The following NKAIN1 variants were observed in gnomAD, a reference collection of about 807,000 sequenced individuals.
The protein encoded by NKAIN1 is sodium/potassium-transporting ATPase subunit beta-1-interacting protein 1.
In NKAIN1, 13 loss-of-function variants were observed where a neutral mutation model predicts 31.6. That is an observed-to-expected ratio of 0.41 (90% CI 0.27 to 0.65). NKAIN1 has a LOEUF of 0.65. NKAIN1 is among the 30% of genes least tolerant of loss of function. NKAIN1 has a pLI of 0.30. For synonymous variants in NKAIN1, 104 were observed against 109.0 expected, an observed-to-expected ratio of 0.95 and a Z score of 0.28; for missense variants, 193 against 262.2, an observed-to-expected ratio of 0.74 and a Z score of 1.82.
chr1:31,181,817 C>G (rs773061565), intron 6 of NKAIN1, 43 bp downstream of exon 6: 10 of 1,577,594 alleles, frequency 6.3e-6, no homozygotes, highest in South Asian at 4.6e-5. Context: ...TTCGCAACCC[C>G]GACGCCCAGG....
At chr1:31,184,937 T>C (rs540117277) in intron 3 of NKAIN1, among the ~76,000 whole-genome samples, 100 of 152,314 alleles carry the variant, frequency 6.6e-4, no homozygotes, top group African/African-American at 2.3e-3. Context: ...CTACCTCTAT[T>C]AGCGGGGCCT....
chr1:31,199,937 A>G (rs1645364009), intron 1 of NKAIN1, among the ~76,000 whole-genome samples: 1 of 152,108 alleles, frequency 6.6e-6, no homozygotes, highest in South Asian at 2.1e-4. Flanking sequence ...CTTCTCTGCC[A>G]GGTTCCCCTC....
rs1269020548 is a variant in NKAIN1 at position 31,181,194 on chromosome 1, C to G, written c.*509G>C. 6.4e-6 allele frequency: 1 copy of G among 156,302 alleles called. No individual in the cohort carries two copies. The highest frequency in any genetic ancestry group is 1.4e-5 in the Non-Finnish European group (1 of 71,044). The allele number at this position is 156,302 out of a possible 1,614,324, so 9.7% of individuals were successfully genotyped here. A position where few individuals can be genotyped will look rare whatever the true frequency, so the allele number is the denominator to read the frequency against. ...TACTTGAGGTGCGGAAACCGAGGCT[C>G]AGAGAGGGCAAGGGCTTTGCTAGAC... is the stretch of plus-strand genomic sequence containing the variant. On this transcript the variant is annotated 3_prime_UTR_variant, in exon 7 of 7. Transcript: ENST00000373736.
chr1:31,215,401 T>C lies in NKAIN1; in HGVS notation c.54+24093A>G, dbSNP rs138046790. 4.7e-4 allele frequency among the ~76,000 whole-genome samples: 71 copies of C among 152,280 alleles called. 3 individuals carry two copies. In the East Asian group the frequency reaches 0.014, roughly 29 times the overall value. The stretch of plus-strand genomic sequence containing the variant: ...GAGAATCACAGCAGGCACCAACATC[T>C]GGACAGCGCTTCACCACTCAGATTG... On this transcript the variant is annotated intron_variant, in intron 1 of 6. Coordinates refer to ENST00000373736, the MANE Select transcript of NKAIN1 (RefSeq NM_024522.3).
rs543872462 is a variant in NKAIN1 at position 31,231,807 on chromosome 1, A to G, written c.54+7687T>C. Among the ~76,000 whole-genome samples the G allele has an allele frequency of 1.4e-3, 214 of 152,200 alleles. 1 individual carries two copies. Among genetic ancestry groups the G allele is most frequent in the East Asian group, 2.7e-3 (14 of 5,164 alleles). On this transcript the variant is annotated intron_variant, in intron 1 of 6. Transcript: ENST00000373736. ...GGCCTCCCAAAGTGCCGGGATTACA[A>G]GCGTGAGCCACTGCACCTGGCGAGT...
At chr1:31,209,307 G>A (rs1444187926) in intron 1 of NKAIN1, among the ~76,000 whole-genome samples, 4 of 151,984 alleles carry the variant, frequency 2.6e-5, no homozygotes, top group Non-Finnish European at 4.4e-5. Flanking sequence ...CCCGGGAGAC[G>A]GAGGTTGCAG....
chr1:31,224,183 C>T (rs923450644), intron 1 of NKAIN1, among the ~76,000 whole-genome samples: 8 of 152,306 alleles, frequency 5.3e-5, no homozygotes, highest in African/African-American at 1.9e-4. Flanking sequence ...CCCCCATGCC[C>T]CAGCAGCCCC....
intron 1 of NKAIN1, among the ~76,000 whole-genome samples, chr1:31,219,984 C>T (rs1645549432): frequency 6.6e-6 from 1 of 150,802 alleles, no homozygotes; most frequent in Non-Finnish European, 1.5e-5. Flanking sequence ...TGCTGCTAAA[C>T]CTGCTTCAGA....
intron 1 of NKAIN1, among the ~76,000 whole-genome samples, chr1:31,206,559 C>T (rs942026656): frequency 1.3e-5 from 2 of 152,086 alleles, no homozygotes; most frequent in African/African-American, 4.8e-5. Flanking sequence ...TCTCAGCCTC[C>T]TGAGGAGCTA....
In NKAIN1 at chr1:31,218,068, CT is replaced by C. The variant is rs1553163597; in HGVS notation, c.54+21425del. ...TCTTTCTTTCTTTCTTTCTTTCTTT[CT>C]TTTTTTTTTTTGAGATGGAGTCTCG... On this transcript the variant is annotated intron_variant, in intron 1 of 6. Transcript: ENST00000373736. Among the ~76,000 whole-genome samples, 21 of 132,962 alleles carry C rather than the reference CT, an allele frequency of 1.6e-4. 1 individual carries two copies. Among genetic ancestry groups the C allele is most frequent in the Non-Finnish European group, 1.8e-4 (11 of 62,502 alleles). 87.2% of individuals were successfully genotyped at this position (132,962 alleles called of 152,430 possible). A position where few individuals can be genotyped will look rare whatever the true frequency, so the allele number is the denominator to read the frequency against.
At chr1:31,186,321 C>A (rs1378506317) in intron 2 of NKAIN1, among the ~76,000 whole-genome samples, 1 of 148,816 alleles carries the variant, frequency 6.7e-6, no homozygotes, top group African/African-American at 2.5e-5. Flanking sequence ...GAGATCATGC[C>A]ACTGGACTCC....
rs1443776888 is a variant in NKAIN1, at chr1:31,188,140, C to A, written c.102G>T (p.Trp34Cys). 20 of 1,551,734 alleles carry A rather than the reference C, an allele frequency of 1.3e-5. 1 individual carries two copies. The highest frequency in any genetic ancestry group is 1.6e-5 in the Non-Finnish European group (18 of 1,147,082). Reference sequence around the variant, plus strand: ...GCAGGAAGTTGGCTAGGATGGGAGCCCACTGGTAGCCCAGGAAGTCAAAGA... The same window carrying A: ...GCAGGAAGTTGGCTAGGATGGGAGCACACTGGTAGCCCAGGAAGTCAAAGA... ...RQIFDFLGYQ[W>C]APILANFLHI... The change falls in exon 2 of 7, where the codon TGG (tryptophan) becomes TGT (cysteine). Residue 34 changes from tryptophan to cysteine, a missense_variant. Physicochemically the swap from Trp to Cys is radical, Grantham distance 215. Transcript: ENST00000373736.
At chr1:31,204,007 G>C (rs2148356586) in intron 1 of NKAIN1, among the ~76,000 whole-genome samples, 1 of 152,292 alleles carries the variant, frequency 6.6e-6, no homozygotes, top group Non-Finnish European at 1.5e-5. Flanking sequence ...ATGACCAACT[G>C]TCCCAGTGTG....
At chr1:31,204,577 G>A (rs1022973804) in intron 1 of NKAIN1, among the ~76,000 whole-genome samples, 6 of 152,200 alleles carry the variant, frequency 3.9e-5, no homozygotes, top group African/African-American at 1.4e-4. Context: ...ACTTAAGACA[G>A]GGGTGAAGGG....
chr1:31,185,373 G>T, intron 2 of NKAIN1, 46 bp from the exon 3 acceptor site: 3 of 1,488,376 alleles, frequency 2.0e-6, no homozygotes, highest in East Asian at 2.4e-5. Flanking sequence ...GGGGAGTGGG[G>T]GATGGGGAGT....
chr1:31,198,208 C>A (rs561889303), intron 1 of NKAIN1, among the ~76,000 whole-genome samples: 1 of 152,276 alleles, frequency 6.6e-6, no homozygotes, highest in East Asian at 1.9e-4. Context: ...TTGGCTACTA[C>A]CCCATTCTAG....
intron 1 of NKAIN1, among the ~76,000 whole-genome samples, chr1:31,223,483 C>T (rs770235822): frequency 3.9e-5 from 6 of 151,996 alleles, no homozygotes; most frequent in Non-Finnish European, 8.8e-5. Flanking sequence ...CTCTGTCGCC[C>T]AGGCTGGATG....
chr1:31,181,421 G>A lies in NKAIN1; in HGVS notation c.*282C>T, dbSNP rs1329330556. On this transcript the variant is annotated 3_prime_UTR_variant, in exon 7 of 7. Transcript: ENST00000373736. Reference sequence around the variant, plus strand: ...AGAGGAAGGCCCCAGCTCACGCCAAGGCTGAGATTAAAAACAAACAAACAA... The same window carrying A: ...AGAGGAAGGCCCCAGCTCACGCCAAAGCTGAGATTAAAAACAAACAAACAA... 1.6e-5 allele frequency: 6 copies of A among 375,868 alleles called. No individual in the cohort carries two copies. Among genetic ancestry groups the A allele is most frequent in the Non-Finnish European group, 2.4e-5 (5 of 211,810 alleles). 23.3% of individuals were successfully genotyped at this position (375,868 alleles called of 1,614,324 possible).
rs1009872239 is a variant in NKAIN1 at position 31,233,326 on chromosome 1, A to T, written c.54+6168T>A. Among the ~76,000 whole-genome samples the T allele has an allele frequency of 6.6e-6, 1 of 152,184 alleles. No homozygotes were observed. The highest frequency in any genetic ancestry group is 1.5e-5 in the Non-Finnish European group (1 of 68,030). The stretch of plus-strand genomic sequence containing the variant: ...GGGGAGAGGGGGCATCTGTGTAAGC[A>T]GTTAGATCTGGCATCTGGTAACAAG... On this transcript the variant is annotated intron_variant, in intron 1 of 6. Transcript: ENST00000373736. This position sits in a 1 kb window ranked among gnomAD's most constrained non-coding sequence, Gnocchi z 4.0.
Sources: allele counts gnomAD v4.1 joint callset (sites outside exome capture counted in the v4.1 genomes callset), GRCh38; gene constraint gnomAD v4.1.1; non-coding constraint Gnocchi (gnomAD v3.1); transcripts MANE v1.5; gene names NCBI Gene and HGNC (gene_info 2026-07-23, HGNC 2026-07-21).